IL13RA1: variants seen among roughly 807,000 people sequenced by gnomAD.
The protein encoded by IL13RA1 is interleukin-13 receptor subunit alpha-1.
IL13RA1 carries 14 observed loss-of-function variants against 33.8 expected under a neutral mutation model. The ratio of observed to expected loss-of-function variants is 0.41; its 90% CI spans 0.27 to 0.65. IL13RA1 has a LOEUF of 0.65. Among genes scored for constraint, IL13RA1 ranks in the 30% least tolerant of loss-of-function variants. The pLI, the probability that IL13RA1 is intolerant of heterozygous loss-of-function variation, is 0.28. For missense variants in IL13RA1, 313 were observed against 327.0 expected, an observed-to-expected ratio of 0.96 and a Z score of 0.33; for synonymous variants, 116 against 115.7, an observed-to-expected ratio of 1.00 and a Z score of -0.02.
At chrX:118,779,405 T>C (rs1290570678) in intron 10 of IL13RA1, among the ~76,000 whole-genome samples, 1 of 112,066 alleles carries the variant, frequency 8.9e-6, no homozygotes, top group Non-Finnish European at 1.9e-5. Context: ...TTTCAAAGCA[T>C]TTAATGTTAT....
intron 6 of IL13RA1, among the ~76,000 whole-genome samples, chrX:118,764,015 T>G (rs2017618856): frequency 9.0e-6 from 1 of 111,079 alleles, no homozygotes; most frequent in African/African-American, 3.3e-5. Context: ...GCTGCTTAGA[T>G]TTTTCTTTTT....
At chrX:118,800,395 C>T in the IL13RA1 span, among the ~76,000 whole-genome samples, 1 of 110,703 alleles carries the variant, frequency 9.0e-6, no homozygotes, top group Non-Finnish European at 1.9e-5. Flanking sequence ...ACTCCTGAGC[C>T]CAGCGAGACC....
intron 10 of IL13RA1, 77 bp downstream of exon 10, chrX:118,776,588 G>C (rs3125163): frequency 5.4e-6 from 2 of 372,894 alleles, no homozygotes; most frequent in Non-Finnish European, 9.1e-6. Context: ...TTTTAAAAAA[G>C]TGTGGTAAGG....
At chrX:118,798,291 T>A (rs1216056141), downstream of IL13RA1, among the ~76,000 whole-genome samples, 1 of 102,989 alleles carries the variant, frequency 9.7e-6, no homozygotes, top group Admixed American at 1.1e-4. Context: ...TAATTATATT[T>A]TTTTGTTTTT....
chrX:118,754,039 C>T lies in IL13RA1; in HGVS notation c.489-4016C>T, dbSNP rs750134329. 6.7e-4 allele frequency among the ~76,000 whole-genome samples: 75 copies of T among 112,250 alleles called. No individual in the cohort carries two copies. In the South Asian group the frequency reaches 0.014, roughly 21 times the overall value. On this transcript the variant is annotated intron_variant, in intron 4 of 10. Transcript: ENST00000371666. ...CTCTTGTATTGGACAGCACAGATAG[C>T]GACCATTTCCATAATCCCAGAAAGT...
At chrX:118,740,934 G>A (rs1184776399) in intron 1 of IL13RA1, 83 bp from the exon 2 acceptor site, 3 of 645,764 alleles carry the variant, frequency 4.6e-6, no homozygotes, top group Non-Finnish European at 7.7e-6. Context: ...TTACTGTCTT[G>A]TCCTCTAGGA....
intron 4 of IL13RA1, among the ~76,000 whole-genome samples, chrX:118,752,201 C>G (rs2017478071): frequency 9.0e-6 from 1 of 111,343 alleles, no homozygotes; most frequent in Non-Finnish European, 1.9e-5. Context: ...TCCAAACTCT[C>G]CAGCATGACA....
chrX:118,765,579 T>C (rs1474196721), intron 6 of IL13RA1, among the ~76,000 whole-genome samples: 1 of 112,474 alleles, frequency 8.9e-6, no homozygotes, highest in Non-Finnish European at 1.9e-5. Flanking sequence ...GTTTGGATAG[T>C]TTCCCATTTG....
At chrX:118,733,720 CTT>C (rs771828805) in intron 1 of IL13RA1, among the ~76,000 whole-genome samples, 2 of 111,486 alleles carry the variant, frequency 1.8e-5, no homozygotes, top group African/African-American at 6.5e-5. Context: ...AAGCTTTTGT[CTT>C]ATGTTTTCTT....
intron 10 of IL13RA1, among the ~76,000 whole-genome samples, chrX:118,784,275 A>G (rs2017892699): frequency 9.5e-6 from 1 of 105,182 alleles, no homozygotes; most frequent in Non-Finnish European, 1.9e-5. Flanking sequence ...CCCAGATATA[A>G]CTATCTTTAA....
downstream of IL13RA1, among the ~76,000 whole-genome samples, chrX:118,794,958 C>T (rs1370334388): frequency 1.8e-5 from 2 of 111,302 alleles, no homozygotes; most frequent in Non-Finnish European, 3.8e-5. Context: ...CGCAGTGGCT[C>T]ACGCCTGTAA....
At chrX:118,801,516 C>G in the IL13RA1 span, among the ~76,000 whole-genome samples, 1 of 111,964 alleles carries the variant, frequency 8.9e-6, no homozygotes, top group African/African-American at 3.3e-5. Flanking sequence ...TGGACTGATT[C>G]TGTAATTTTC....
intron 4 of IL13RA1, among the ~76,000 whole-genome samples, chrX:118,755,529 T>G (rs1032714587): frequency 1.2e-4 from 13 of 111,887 alleles, no homozygotes; most frequent in Middle Eastern, 4.6e-3. Flanking sequence ...TGTTTTAGGT[T>G]AATGTTTCAC....
In IL13RA1 at chrX:118,773,886, G is replaced by T. The variant is rs373577916; in HGVS notation, c.1017G>T (p.Lys339Asn). The part of the protein sequence containing the change: ...NWSQEMSIGK[K>N]RNSTLYITML... ...TTGCTTTTCATTCTCCAGGTAAGAA[G>T]CGCAATTCCACACTCTACATAACCA... The change falls in exon 9 of 11, where the codon AAG (lysine) becomes AAT (asparagine). Residue 339 changes from lysine to asparagine, a missense_variant. Coordinates refer to ENST00000371666, the MANE Select transcript of IL13RA1 (RefSeq NM_001560.3). 3.1e-6 allele frequency: 3 copies of T among 983,392 alleles called. No individual in the cohort carries two copies. The Admixed American group carries it at 6.7e-5, about 22-fold the overall frequency. The allele number at this position is 983,392 out of a possible 1,213,427, so 81.0% of individuals were successfully genotyped here. A position where few individuals can be genotyped will look rare whatever the true frequency, so the allele number is the denominator to read the frequency against.
chrX:118,791,265 T>A (rs1312852693), intron 10 of IL13RA1, among the ~76,000 whole-genome samples: 1 of 111,841 alleles, frequency 8.9e-6, no homozygotes, highest in Non-Finnish European at 1.9e-5. Context: ...ATGAAGCTCT[T>A]AATATAGGGT....
In IL13RA1 at chrX:118,770,917, T is replaced by C. The variant is rs1394340714; in HGVS notation, c.1010-2962T>C. On this transcript the variant is annotated intron_variant, in intron 8 of 10. Coordinates refer to ENST00000371666, the MANE Select transcript of IL13RA1 (RefSeq NM_001560.3). ...TCTTACCAAAATTCTGCAAGCTTTT[T>C]TCAGTCTCTCCCCTTTGCCTCTCAT... 12 of 254,883 alleles carry C rather than the reference T, an allele frequency of 4.7e-5. No individual in the cohort carries two copies. The Admixed American group carries it at 6.4e-4, about 14-fold the overall frequency. The allele number at this position is 254,883 out of a possible 1,213,427, so 21.0% of individuals were successfully genotyped here.
chrX:118,731,777 G>C (rs1485261375), intron 1 of IL13RA1, among the ~76,000 whole-genome samples: 2 of 111,964 alleles, frequency 1.8e-5, no homozygotes, highest in Non-Finnish European at 3.8e-5. Context: ...CTGAGAAATA[G>C]AGAGGTTAAG....
At chrX:118,780,856 A>G (rs1053017217) in intron 10 of IL13RA1, among the ~76,000 whole-genome samples, 2 of 112,179 alleles carry the variant, frequency 1.8e-5, no homozygotes, top group East Asian at 2.8e-4. Context: ...ACTAGAACCC[A>G]TATAGCCCAA....
chrX:118,748,055 T>C (rs2017428414), intron 3 of IL13RA1, among the ~76,000 whole-genome samples: 1 of 100,058 alleles, frequency 1.0e-5, no homozygotes, highest in South Asian at 4.1e-4. Context: ...ACAAAAAACA[T>C]ATATATATAA....
Sources: allele counts gnomAD v4.1 joint callset (sites outside exome capture counted in the v4.1 genomes callset), GRCh38; gene constraint gnomAD v4.1.1; transcripts MANE v1.5; gene names NCBI Gene and HGNC (gene_info 2026-07-23, HGNC 2026-07-21).